The following NCOA3 variants were observed in gnomAD, a reference collection of about 807,000 sequenced individuals.
NCOA3 encodes nuclear receptor coactivator 3, also known as CBP-interacting protein.
NCOA3 carries 51 observed loss-of-function variants against 158.8 expected under a neutral mutation model. The ratio of observed to expected loss-of-function variants is 0.32; its 90% CI spans 0.26 to 0.41. The LOEUF is 0.41. Ranked by LOEUF, NCOA3 falls within the 10% of genes least tolerant of loss-of-function variation. The pLI, the probability that NCOA3 is intolerant of heterozygous loss-of-function variation, is 1.00. For missense variants in NCOA3, 1,510 were observed against 1,746.6 expected (o/e 0.86, Z 2.41); for synonymous variants, 537 against 592.4 (o/e 0.91, Z 1.36).
rs189151866 is a variant in NCOA3, at chr20:47,560,116, G to A, written c.-98-23067G>A. On this transcript the variant is annotated intron_variant, in intron 1 of 22. Coordinates refer to ENST00000371998, the MANE Select transcript of NCOA3 (RefSeq NM_181659.3). The stretch of plus-strand genomic sequence containing the variant: ...TTTTTTTTGGAGACAGTTTCGCTCT[G>A]TTGCCCAGGCTAGAGTGCTGTGGCA... Among the ~76,000 whole-genome samples the A allele has an allele frequency of 1.6e-4, 25 of 152,246 alleles. No individual in the cohort carries two copies. The Middle Eastern group carries it at 0.01, about 62-fold the overall frequency.
chr20:47,516,922 A>T (rs868628120), intron 1 of NCOA3, among the ~76,000 whole-genome samples: 4,734 of 117,252 alleles, frequency 0.04, 106 homozygotes, highest in Middle Eastern at 0.12. Context: ...CCTGTCTTAA[A>T]AAAAAAAAAA....
At chr20:47,574,399 A>G (rs757043153) in intron 1 of NCOA3, among the ~76,000 whole-genome samples, 30 of 152,064 alleles carry the variant, frequency 2.0e-4, no homozygotes, top group East Asian at 5.8e-4. Context: ...AGTAATTACT[A>G]TGGTTTCCTA....
intron 1 of NCOA3, among the ~76,000 whole-genome samples, chr20:47,522,644 G>C (rs531901443): frequency 6.6e-6 from 1 of 152,072 alleles, no homozygotes; most frequent in African/African-American, 2.4e-5. Flanking sequence ...CGCGTAGCCC[G>C]TGAAAAAGCT....
chr20:47,639,345 CTA>C, intron 14 of NCOA3, 143 bp downstream of exon 14: 1 of 948,782 alleles, frequency 1.1e-6, no homozygotes, highest in Non-Finnish European at 1.6e-6. Context: ...TTCATTTATT[CTA>C]TGTTTTGGTT....
At chr20:47,526,779 A>AGAGAGGG (rs1388907375) in intron 1 of NCOA3, among the ~76,000 whole-genome samples, 1 of 151,896 alleles carries the variant, frequency 6.6e-6, no homozygotes, top group Non-Finnish European at 1.5e-5. Context: ...GACCATGGGG[A>AGAGAGGG]GAGAGGGGAG....
At chr20:47,599,981 T>A (rs1034365406) in intron 2 of NCOA3, among the ~76,000 whole-genome samples, 2 of 152,026 alleles carry the variant, frequency 1.3e-5, no homozygotes, top group African/African-American at 2.4e-5. Flanking sequence ...TTAAAAAAAA[T>A]TCACCAAAAA....
intron 2 of NCOA3, among the ~76,000 whole-genome samples, chr20:47,607,591 A>G (rs2085968293): frequency 6.6e-6 from 1 of 152,202 alleles, no homozygotes; most frequent in Non-Finnish European, 1.5e-5. Flanking sequence ...TCATGGATAC[A>G]TGAGATATAT....
chr20:47,511,753 C>T (rs900021243), intron 1 of NCOA3, among the ~76,000 whole-genome samples: 24 of 151,142 alleles, frequency 1.6e-4, no homozygotes, highest in African/African-American at 5.8e-4. Flanking sequence ...GGGGTTTCAC[C>T]TTGTTGGCCA....
chr20:47,638,364 T>G (rs182145557), intron 13 of NCOA3, among the ~76,000 whole-genome samples: 115 of 152,284 alleles, frequency 7.6e-4, no homozygotes, highest in East Asian at 2.3e-3. Context: ...GAGCCAAGAT[T>G]GCGCCACTGC....
chr20:47,511,560 T>TATATACACACACACATACACATATA (rs1569310982), intron 1 of NCOA3, among the ~76,000 whole-genome samples: 4 of 5,516 alleles, frequency 7.3e-4, no homozygotes, highest in Non-Finnish European at 1.3e-3. Flanking sequence ...TATATATTTC[T>TATATACACACACACATACACATATA]TTTTTTTTTT....
chr20:47,502,623 T>C (rs1331290492), intron 1 of NCOA3, among the ~76,000 whole-genome samples: 1 of 152,096 alleles, frequency 6.6e-6, no homozygotes, highest in Non-Finnish European at 1.5e-5. Context: ...GGCGTTTTAC[T>C]ACCTCTGGTG....
rs749607074 is a variant in NCOA3 at position 47,627,955 on chromosome 20, G to A, written c.755G>A (p.Arg252His). The change falls in exon 8 of 23, where the codon CGC becomes CAC. Residue 252 changes from arginine to histidine, a missense_variant. Coordinates refer to ENST00000371998, the MANE Select transcript of NCOA3 (RefSeq NM_181659.3). ...LQSCMICVARRITTGERTFPS... is the reference protein window; with the variant it reads ...LQSCMICVARHITTGERTFPS... ...TCTTGTATGATCTGTGTGGCACGCC[G>A]CATTACTACAGGAGAAAGAACATTT... The A allele has an allele frequency of 1.8e-5, 29 of 1,613,496 alleles. No individual in the cohort carries two copies. The highest frequency in any genetic ancestry group is 4.5e-5 in the East Asian group (2 of 44,876).
chr20:47,616,434 C>T (rs2086140569), intron 2 of NCOA3, among the ~76,000 whole-genome samples: 1 of 151,980 alleles, frequency 6.6e-6, no homozygotes, highest in Non-Finnish European at 1.5e-5. Flanking sequence ...CTCAGGTGAT[C>T]CGCCCACCTC....
chr20:47,623,974 T>C lies in NCOA3; in HGVS notation c.147T>C (p.Ala49=). Residue 49 remains alanine (A), a synonymous_variant, in exon 4 of 23, where the codon GCT becomes GCC. Coordinates refer to ENST00000371998, the MANE Select transcript of NCOA3 (RefSeq NM_181659.3). ...EQESKYIEEL[A]ELISANLSDI... ...AAAGTAAATATATTGAAGAATTGGC[T>C]GAGCTGATATCTGCCAATCTTAGTG... The C allele has an allele frequency of 6.2e-7, 1 of 1,613,452 alleles. No homozygotes were observed. Among genetic ancestry groups the C allele is most frequent in the Non-Finnish European group, 8.5e-7 (1 of 1,179,598 alleles).
In NCOA3 at chr20:47,649,107, CAGGTG is replaced by C; in HGVS notation, c.3651+2_3651+6del. ...TATGATGCAGCCCCAGGTGAGCTCC[CAGGTG>C]AGGATGATAAGCCTCTCCACATGCA... On this transcript the variant is annotated splice_donor_variant and splice_donor_region_variant and coding_sequence_variant and intron_variant, in exon 19 of 23. Transcript: ENST00000371998. LOFTEE classifies it high-confidence loss of function. The C allele has an allele frequency of 6.2e-7, 1 of 1,610,078 alleles. No homozygotes were observed. Among genetic ancestry groups the C allele is most frequent in the African/African-American group, 1.3e-5 (1 of 74,928 alleles).
intron 1 of NCOA3, among the ~76,000 whole-genome samples, chr20:47,579,972 C>T (rs558624833): frequency 6.6e-6 from 1 of 152,236 alleles, no homozygotes; most frequent in Admixed American, 6.5e-5. Context: ...TTCTGTCCTG[C>T]CATGTGGTGT....
At position 47,653,092 on chromosome 20, in the gene NCOA3, C is replaced by T; in HGVS notation, c.4263+20C>T. 3 of 1,612,608 alleles carry T rather than the reference C, an allele frequency of 1.9e-6. No homozygotes were observed. The highest frequency in any genetic ancestry group is 2.5e-6 in the Non-Finnish European group (3 of 1,179,360). On this transcript the variant is annotated intron_variant, in intron 22 of 22. Coordinates refer to ENST00000371998, the MANE Select transcript of NCOA3 (RefSeq NM_181659.3). ...GATCAGGTATGGGATCGATTCCTTA[C>T]CTTTTTCAAAAAGTTTTTCTTGTTC... is the stretch of plus-strand genomic sequence containing the variant.
intron 1 of NCOA3, among the ~76,000 whole-genome samples, chr20:47,556,527 C>T (rs752678048): frequency 3.3e-5 from 5 of 151,978 alleles, no homozygotes; most frequent in Non-Finnish European, 5.9e-5. Context: ...TTTTCTTTTC[C>T]CCTTTTTTTG....
intron 2 of NCOA3, among the ~76,000 whole-genome samples, chr20:47,607,119 G>A (rs1431061971): frequency 6.6e-6 from 1 of 152,168 alleles, no homozygotes; most frequent in Non-Finnish European, 1.5e-5. Context: ...TAGATCCAAT[G>A]CATTTTAATG....
Sources: gnomAD v4.1 joint callset for allele counts (sites outside exome capture counted in the v4.1 genomes callset) on GRCh38, gnomAD v4.1.1 for gene constraint, MANE v1.5 for transcripts, NCBI Gene and HGNC (gene_info 2026-07-23, HGNC 2026-07-21) for gene names.